The following ACOXL variants were observed in gnomAD, a reference collection of about 807,000 sequenced individuals.
The protein encoded by ACOXL is acyl-coenzyme A oxidase-like protein.
Under a neutral mutation model 71.9 loss-of-function variants are expected in ACOXL, and 70 were observed. That is an observed-to-expected ratio of 0.97 (90% CI 0.80 to 1.19). The LOEUF is 1.19. Ranked by LOEUF, ACOXL falls within the 50% of genes most tolerant of loss-of-function variation. ACOXL has a pLI of 0.00. For synonymous variants in ACOXL, 253 were observed against 281.6 expected (o/e 0.90, Z 1.02); for missense variants, 703 against 736.3 (o/e 0.95, Z 0.52).
intron 12 of ACOXL, among the ~76,000 whole-genome samples, chr2:110,943,052 AAAG>A (rs538323016): frequency 1.5e-3 from 227 of 147,904 alleles, no homozygotes; most frequent in Non-Finnish European, 2.6e-3. Context: ...AGGAAGGAAG[AAAG>A]AAAAGGAAGA....
At chr2:110,863,822 T>C (rs1002214754) in intron 10 of ACOXL, among the ~76,000 whole-genome samples, 2 of 152,216 alleles carry the variant, frequency 1.3e-5, no homozygotes, top group Admixed American at 1.3e-4. Flanking sequence ...TTAATTTCAC[T>C]GTCATGAGGA....
chr2:111,010,908 A>C (rs55833189), intron 14 of ACOXL, among the ~76,000 whole-genome samples: 10,412 of 152,292 alleles, frequency 0.068, 447 homozygotes, highest in East Asian at 0.22. Context: ...ATTTGTCACC[A>C]ACAGACCTAT....
intron 5 of ACOXL, chr2:110,796,061 G>A (rs773774341): frequency 3.9e-5 from 6 of 151,952 alleles, no homozygotes; most frequent in Non-Finnish European, 7.4e-5. Flanking sequence ...ACCGAGAACT[G>A]ACATAGCAGG....
At chr2:110,855,907 C>T (rs903626161) in intron 10 of ACOXL, among the ~76,000 whole-genome samples, 5 of 152,062 alleles carry the variant, frequency 3.3e-5, no homozygotes, top group African/African-American at 4.8e-5. Context: ...GGGACCCCAG[C>T]GGGTTGCCGC....
In ACOXL at chr2:111,117,717, C is replaced by T. The variant is rs1356087099; in HGVS notation, c.1644C>T (p.Ser548=). The change falls in exon 18 of 18, where the codon TCC becomes TCT. Residue 548 remains serine (S), a synonymous_variant. Coordinates refer to ENST00000439055, the MANE Select transcript of ACOXL (RefSeq NM_001142807.4). ...TCCACGCACCAATCGCCGGAATCTC[C>T]AACCCGCGGGCCGCGTGGGCTTTCT... The part of the protein sequence containing the change: ...TYLHAPIAGI[S]NPRAAWAFYP... The T allele has an allele frequency of 6.4e-7, 1 of 1,551,752 alleles. No individual in the cohort carries two copies. The highest frequency in any genetic ancestry group is 8.7e-7 in the Non-Finnish European group (1 of 1,147,020).
chr2:110,918,000 T>A (rs930929318), intron 11 of ACOXL, among the ~76,000 whole-genome samples: 6 of 152,210 alleles, frequency 3.9e-5, no homozygotes, highest in Non-Finnish European at 7.3e-5. Context: ...GTTTATAGAT[T>A]CAATGCTATC....
rs1166144564 is a variant in ACOXL, at chr2:110,732,673, G to A, written c.-124G>A. ...GCGATGCAGCCGGCGCCGGGTCTGG[G>A]GCTCGGGGACTCCTCCCTGCACCGC... is the stretch of plus-strand genomic sequence containing the variant. On this transcript the variant is annotated 5_prime_UTR_variant, in exon 1 of 18. Coordinates refer to ENST00000439055, the MANE Select transcript of ACOXL (RefSeq NM_001142807.4). The A allele has an allele frequency of 6.6e-6, 1 of 152,626 alleles. No homozygotes were observed. Among genetic ancestry groups the A allele is most frequent in the Admixed American group, 6.5e-5 (1 of 15,286 alleles). 9.5% of individuals were successfully genotyped at this position (152,626 alleles called of 1,614,324 possible).
At chr2:111,101,355 G>C (rs150454708) in intron 17 of ACOXL, 1 of 152,098 alleles carries the variant, frequency 6.6e-6, no homozygotes, top group Non-Finnish European at 1.5e-5. Flanking sequence ...ACCCATACCC[G>C]CCGGGCTTAG....
intron 12 of ACOXL, among the ~76,000 whole-genome samples, chr2:110,978,123 A>G (rs1205800828): frequency 6.6e-6 from 1 of 152,216 alleles, no homozygotes. Flanking sequence ...ACAGAATACC[A>G]CTAAGTAATT....
intron 9 of ACOXL, among the ~76,000 whole-genome samples, chr2:110,825,906 G>A (rs192495375): frequency 1.8e-3 from 269 of 152,254 alleles, no homozygotes; most frequent in African/African-American, 6.1e-3. Flanking sequence ...ATGTTTCTGA[G>A]CACATCAGCA....
intron 17 of ACOXL, 98 bp from the exon 18 acceptor site, chr2:111,117,518 G>A: frequency 2.4e-6 from 3 of 1,271,142 alleles, no homozygotes; most frequent in South Asian, 2.6e-5. Flanking sequence ...TTCCGGGGCC[G>A]CTGTGTGTGC....
At chr2:111,080,943 C>G (rs1308874463) in intron 16 of ACOXL, among the ~76,000 whole-genome samples, 1 of 152,142 alleles carries the variant, frequency 6.6e-6, no homozygotes, top group East Asian at 1.9e-4. Flanking sequence ...TCAATAGATA[C>G]AGAAATGCCT....
chr2:111,091,024 G>A (rs1163021535), intron 16 of ACOXL, among the ~76,000 whole-genome samples: 2 of 152,192 alleles, frequency 1.3e-5, no homozygotes, highest in East Asian at 3.8e-4. Flanking sequence ...TAAAGAGGGA[G>A]GAAGACAGCA....
At chr2:110,814,950 T>C (rs1018959830) in intron 9 of ACOXL, among the ~76,000 whole-genome samples, 4 of 152,198 alleles carry the variant, frequency 2.6e-5, no homozygotes, top group African/African-American at 9.7e-5. Flanking sequence ...AAGAAACATA[T>C]GCCTTCATCA....
chr2:111,031,760 T>C, intron 15 of ACOXL, 46 bp downstream of exon 15: 1 of 1,567,740 alleles, frequency 6.4e-7, no homozygotes, highest in South Asian at 1.1e-5. Flanking sequence ...GACTCAGGGG[T>C]CTACGGGTCC....
chr2:110,988,636 A>G (rs948771393), intron 13 of ACOXL, among the ~76,000 whole-genome samples: 1 of 152,124 alleles, frequency 6.6e-6, no homozygotes, highest in African/African-American at 2.4e-5. Context: ...CACCCCCATT[A>G]GCAGCATGTA....
rs574660732 is a variant in ACOXL at position 110,787,082 on chromosome 2, G to C, written c.159+2267G>C. Among the ~76,000 whole-genome samples the C allele has an allele frequency of 2.0e-5, 3 of 152,122 alleles. No homozygotes were observed. The South Asian group carries it at 6.2e-4, about 32-fold the overall frequency. On this transcript the variant is annotated intron_variant, in intron 3 of 17. Coordinates refer to ENST00000439055, the MANE Select transcript of ACOXL (RefSeq NM_001142807.4). ...AAGGGAAAGTAGGTAGGGGTGGCGG[G>C]GGGAGGGAGATGAAGGAAAATGGAC...
chr2:110,799,503 G>A (rs569869668), intron 7 of ACOXL, among the ~76,000 whole-genome samples: 8 of 152,098 alleles, frequency 5.3e-5, no homozygotes, highest in Non-Finnish European at 1.0e-4. Flanking sequence ...CTGACTCAGT[G>A]CCCTAGTTTG....
chr2:110,897,214 G>T (rs1156964218), intron 10 of ACOXL, among the ~76,000 whole-genome samples: 1 of 152,138 alleles, frequency 6.6e-6, no homozygotes, highest in East Asian at 1.9e-4. Flanking sequence ...AAATTGTAGG[G>T]CACAGCTAAA....
Sources: gnomAD v4.1 joint callset for allele counts (sites outside exome capture counted in the v4.1 genomes callset) on GRCh38, gnomAD v4.1.1 for gene constraint, MANE v1.5 for transcripts, NCBI Gene and HGNC (gene_info 2026-07-23, HGNC 2026-07-21) for gene names.